MAP4K3: variants seen among roughly 807,000 people sequenced by gnomAD.
MAP4K3 encodes mitogen-activated protein kinase kinase kinase kinase 3, also known as MAPK/ERK kinase kinase kinase 3.
In MAP4K3, 94 loss-of-function variants were observed where a neutral mutation model predicts 143.5. The ratio of observed to expected loss-of-function variants is 0.65; its 90% confidence interval spans 0.55 to 0.78. MAP4K3 has a LOEUF of 0.78. MAP4K3 is among the 30% of genes least tolerant of loss of function. MAP4K3 has a pLI of 0.00. For missense variants in MAP4K3, 1,077 were observed against 1,068.1 expected, an observed-to-expected ratio of 1.01 and a Z score of -0.12; for synonymous variants, 416 against 347.2, an observed-to-expected ratio of 1.20 and a Z score of -2.20.
intron 12 of MAP4K3, chr2:39,323,458 G>A (rs1683384847): frequency 6.6e-6 from 1 of 152,132 alleles, no homozygotes; most frequent in South Asian, 2.1e-4. Flanking sequence ...GGCAGTCCTT[G>A]TTTTACAGCT....
chr2:39,405,740 C>T (rs1667076649), intron 1 of MAP4K3, among the ~76,000 whole-genome samples: 1 of 152,262 alleles, frequency 6.6e-6, no homozygotes, highest in East Asian at 1.9e-4. Context: ...CAGTGGTGTG[C>T]ACCTGTGGTC....
intron 20 of MAP4K3, 99 bp downstream of exon 20, chr2:39,288,022 C>T: frequency 7.0e-7 from 1 of 1,435,702 alleles, no homozygotes; most frequent in Non-Finnish European, 9.6e-7. Context: ...CTTCTGTCCT[C>T]CACCAAAAGA....
intron 26 of MAP4K3, among the ~76,000 whole-genome samples, chr2:39,267,696 A>C (rs987860345): frequency 6.6e-5 from 10 of 151,502 alleles, no homozygotes; most frequent in Non-Finnish European, 1.5e-4. Context: ...AAAAAAAAAA[A>C]AATTAAATAA....
intron 26 of MAP4K3, among the ~76,000 whole-genome samples, chr2:39,270,348 T>A (rs932105540): frequency 1.3e-5 from 2 of 152,208 alleles, no homozygotes; most frequent in Non-Finnish European, 2.9e-5. Context: ...TGAAACACAA[T>A]ACAACTTATT....
At chr2:39,280,155 A>G (rs1046669012) in intron 23 of MAP4K3, 117 bp downstream of exon 23, 20 of 563,696 alleles carry the variant, frequency 3.5e-5, no homozygotes, top group Admixed American at 1.7e-4. Flanking sequence ...AAAAAAAATT[A>G]TAACAAAACT....
At chr2:39,376,357 C>A (rs1005042200) in intron 2 of MAP4K3, among the ~76,000 whole-genome samples, 12 of 152,044 alleles carry the variant, frequency 7.9e-5, no homozygotes, top group African/African-American at 2.9e-4. Flanking sequence ...CTCTGGGTGG[C>A]AGAATATGAA....
At chr2:39,360,410 C>T (rs898229781) in intron 2 of MAP4K3, among the ~76,000 whole-genome samples, 1 of 152,230 alleles carries the variant, frequency 6.6e-6, no homozygotes, top group Admixed American at 6.5e-5. Flanking sequence ...CTGAGCCCTA[C>T]AAGTCTCTCG....
At chr2:39,377,105 C>G (rs1418670616) in intron 2 of MAP4K3, among the ~76,000 whole-genome samples, 1 of 150,760 alleles carries the variant, frequency 6.6e-6, no homozygotes, top group Non-Finnish European at 1.5e-5. Flanking sequence ...TTTATTGATG[C>G]TCTAAATAAG....
chr2:39,397,585 A>AT (rs1291806952), intron 1 of MAP4K3, among the ~76,000 whole-genome samples: 1 of 152,180 alleles, frequency 6.6e-6, no homozygotes, highest in Non-Finnish European at 1.5e-5. Flanking sequence ...AAAAGTATCA[A>AT]TTTTTTTCCT....
Position 39,265,287 on chromosome 2 carries a change from G to A in MAP4K3, c.2052C>T (p.Gly684=). Residue 684 remains glycine, a synonymous_variant, in exon 28 of 34, where the codon GGC becomes GGT. Transcript: ENST00000263881. ...KCCVVRNPYT[G]HKYLCGALQT... Reference sequence around the variant, plus strand: ...GAAGTGCTCCACATAGGTATTTATGGCCCGTGTAAGGATTTCTTACTGTCA... The same window carrying A: ...GAAGTGCTCCACATAGGTATTTATGACCCGTGTAAGGATTTCTTACTGTCA... 1 of 1,611,594 alleles carries A rather than the reference G, an allele frequency of 6.2e-7. No individual in the cohort carries two copies. Among genetic ancestry groups the A allele is most frequent in the Non-Finnish European group, 8.5e-7 (1 of 1,177,976 alleles).
At chr2:39,273,037 T>C (rs1681096920) in intron 24 of MAP4K3, among the ~76,000 whole-genome samples, 1 of 151,826 alleles carries the variant, frequency 6.6e-6, no homozygotes, top group Non-Finnish European at 1.5e-5. Flanking sequence ...TAGAAGATGA[T>C]GAAAACTCAT....
chr2:39,316,594 T>C (rs912126817), intron 12 of MAP4K3, among the ~76,000 whole-genome samples: 7 of 152,130 alleles, frequency 4.6e-5, no homozygotes, highest in African/African-American at 1.7e-4. Flanking sequence ...AGAAAGGGAT[T>C]GCCACAAGAT....
At chr2:39,392,389 C>A (rs1430137916) in intron 1 of MAP4K3, among the ~76,000 whole-genome samples, 2 of 152,040 alleles carry the variant, frequency 1.3e-5, no homozygotes, top group East Asian at 3.8e-4. Context: ...ACATTTTCTG[C>A]TAACTCAATA....
chr2:39,360,220 C>T (rs1441884417), intron 2 of MAP4K3, among the ~76,000 whole-genome samples: 1 of 152,190 alleles, frequency 6.6e-6, no homozygotes, highest in East Asian at 1.9e-4. Flanking sequence ...CAAAATGCCG[C>T]CACTCTCTTT....
intron 1 of MAP4K3, chr2:39,379,908 T>C (rs1011531284): frequency 1.2e-5 from 2 of 162,932 alleles, no homozygotes; most frequent in African/African-American, 2.4e-5. Context: ...TCCAAAATGG[T>C]TGCTGTACAC....
intron 12 of MAP4K3, among the ~76,000 whole-genome samples, chr2:39,321,049 T>C (rs1286712179): frequency 6.6e-6 from 1 of 152,164 alleles, no homozygotes; most frequent in South Asian, 2.1e-4. Flanking sequence ...TTTTGAAAAT[T>C]AGGTATTTAA....
rs557252371 is a variant in MAP4K3, at chr2:39,311,091, T to C, written c.998-1572A>G. 5.9e-5 allele frequency among the ~76,000 whole-genome samples: 9 copies of C among 152,326 alleles called. No homozygotes were observed. In the South Asian group the frequency reaches 1.9e-3, roughly 32 times the overall value. The stretch of plus-strand genomic sequence containing the variant: ...AGAGACAATCTTTTTTTGGTTTTGT[T>C]TTTTGAGACGGAGTCTCTTTCCGTT... On this transcript the variant is annotated intron_variant, in intron 13 of 33. Transcript: ENST00000263881.
chr2:39,359,143 C>G (rs553254495), intron 2 of MAP4K3, among the ~76,000 whole-genome samples: 2 of 152,280 alleles, frequency 1.3e-5, no homozygotes, highest in Admixed American at 1.3e-4. Context: ...AGTGGTGGTA[C>G]AGGCATTGGG....
At chr2:39,281,238 A>G (rs1283190253) in intron 22 of MAP4K3, among the ~76,000 whole-genome samples, 1 of 152,234 alleles carries the variant, frequency 6.6e-6, no homozygotes, top group Non-Finnish European at 1.5e-5. Context: ...TGTCTTCCTC[A>G]CAAACACGGA....
Sources: gnomAD v4.1 joint callset for allele counts (sites outside exome capture counted in the v4.1 genomes callset) on GRCh38, gnomAD v4.1.1 for gene constraint, MANE v1.5 for transcripts, NCBI Gene and HGNC (gene_info 2026-07-23, HGNC 2026-07-21) for gene names.